RELN: variants seen among roughly 807,000 people sequenced by gnomAD.
RELN encodes reelin.
In RELN, 108 loss-of-function variants were observed where a neutral mutation model predicts 427.6. The ratio of observed to expected loss-of-function variants is 0.25; its 90% CI spans 0.22 to 0.30. RELN has a LOEUF of 0.30. Ranked by LOEUF, RELN falls within the 10% of genes least tolerant of loss-of-function variation. The pLI is 1.00. For missense variants in RELN, 3,715 were observed against 4,302.8 expected (o/e 0.86, Z 3.82); for synonymous variants, 1,524 against 1,513.4 (o/e 1.01, Z -0.16).
chr7:103,652,448 T>G (rs1271090016), intron 14 of RELN, 103 bp downstream of exon 14: 2 of 916,234 alleles, frequency 2.2e-6, no homozygotes, highest in Non-Finnish European at 3.5e-6. Flanking sequence ...AGTATTTTAC[T>G]TAAAATCCAG....
At chr7:103,706,209 T>A (rs1262575477) in intron 8 of RELN, among the ~76,000 whole-genome samples, 1 of 149,232 alleles carries the variant, frequency 6.7e-6, no homozygotes, top group African/African-American at 2.5e-5. Context: ...AAGAGAAGAA[T>A]CTCCTTTCAC....
intron 4 of RELN, among the ~76,000 whole-genome samples, chr7:103,754,851 C>T (rs540774055): frequency 4.7e-4 from 72 of 152,198 alleles, no homozygotes; most frequent in South Asian, 2.1e-3. Flanking sequence ...AGAAGACAAG[C>T]TAGCAAAGGT....
At chr7:103,859,650 T>G (rs1027634152) in intron 2 of RELN, among the ~76,000 whole-genome samples, 1 of 152,198 alleles carries the variant, frequency 6.6e-6, no homozygotes, top group African/African-American at 2.4e-5. Flanking sequence ...AATAGAATAT[T>G]AATTGGGTTT....
At chr7:103,920,918 A>G (rs1465508417) in intron 1 of RELN, among the ~76,000 whole-genome samples, 2 of 152,138 alleles carry the variant, frequency 1.3e-5, no homozygotes, top group Admixed American at 1.3e-4. Flanking sequence ...CATTTATATT[A>G]AAAAGTTGGT....
At chr7:103,911,677 A>C (rs1461687451) in intron 2 of RELN, among the ~76,000 whole-genome samples, 156 of 147,988 alleles carry the variant, frequency 1.1e-3, no homozygotes, top group Non-Finnish European at 6.9e-4. Context: ...TGCAGCCATA[A>C]AAAATGATGA....
rs565253323 is a variant in RELN, at chr7:103,828,778, C to A, written c.473+4759G>T. On this transcript the variant is annotated intron_variant, in intron 3 of 64. Transcript: ENST00000428762. ...GCACCTCTCATTATTTGAATGAATT[C>A]AATAATATTTCTATATTCATATAGA... is the stretch of plus-strand genomic sequence containing the variant. Among the ~76,000 whole-genome samples the A allele has an allele frequency of 1.8e-3, 270 of 151,848 alleles. 1 individual carries two copies. Among genetic ancestry groups the A allele is most frequent in the Non-Finnish European group, 3.3e-3 (226 of 67,834 alleles).
At chr7:103,963,453 TTATC>T (rs1032717275) in intron 1 of RELN, among the ~76,000 whole-genome samples, 4 of 152,190 alleles carry the variant, frequency 2.6e-5, no homozygotes. Flanking sequence ...TTCATAGACA[TTATC>T]TATGTTATTT....
intron 2 of RELN, among the ~76,000 whole-genome samples, chr7:103,852,092 C>A (rs1793836506): frequency 2.0e-5 from 3 of 152,138 alleles, no homozygotes; most frequent in Non-Finnish European, 4.4e-5. Context: ...GATTAATACA[C>A]CCTTTTAATA....
chr7:103,673,403 T>G (rs1416103090), intron 11 of RELN, among the ~76,000 whole-genome samples: 1 of 152,148 alleles, frequency 6.6e-6, no homozygotes, highest in African/African-American at 2.4e-5. Flanking sequence ...TTTATTTCCT[T>G]TTTCTGTTCC....
At chr7:103,754,651 C>T (rs541565964) in intron 4 of RELN, among the ~76,000 whole-genome samples, 12 of 152,212 alleles carry the variant, frequency 7.9e-5, no homozygotes, top group African/African-American at 2.9e-4. Flanking sequence ...TGGTGCACGC[C>T]TGTAGTCCTA....
intron 3 of RELN, among the ~76,000 whole-genome samples, chr7:103,818,457 A>G (rs547661404): frequency 6.6e-6 from 1 of 152,334 alleles, no homozygotes; most frequent in Non-Finnish European, 1.5e-5. Flanking sequence ...ATTATTATAC[A>G]GGACTCTTAC....
At position 103,953,457 on chromosome 7, in the gene RELN, T is replaced by C. The variant is rs1796372158; in HGVS notation, c.226+35674A>G. 6.6e-6 allele frequency among the ~76,000 whole-genome samples: 1 copy of C among 152,212 alleles called. No homozygotes were observed. Among genetic ancestry groups the C allele is most frequent in the African/African-American group, 2.4e-5 (1 of 41,456 alleles). ...GTAGCTTCATTGAAAGCAGTTCTAA[T>C]GTGCTCTTGACAAATCACATTTTGG... On this transcript the variant is annotated intron_variant, in intron 1 of 64. Coordinates refer to ENST00000428762, the MANE Select transcript of RELN (RefSeq NM_005045.4). This position sits in a 1 kb window ranked among gnomAD's most constrained non-coding sequence, Gnocchi z 4.3.
intron 27 of RELN, among the ~76,000 whole-genome samples, chr7:103,591,068 T>C (rs362629): frequency 0.24 from 36,063 of 152,208 alleles, 5,130 homozygotes; most frequent in South Asian, 0.38. Flanking sequence ...TATTATAGTT[T>C]AAGACAGTTT....
rs1357788303 is a variant in RELN at position 103,988,149 on chromosome 7, A to G, written c.226+982T>C. On this transcript the variant is annotated intron_variant, in intron 1 of 64. Coordinates refer to ENST00000428762, the MANE Select transcript of RELN (RefSeq NM_005045.4). This position sits in a 1 kb window ranked among gnomAD's most constrained non-coding sequence, Gnocchi z 4.9. ...ATATTTTGGGGTTGAAATTCTAATTAAATAGTGCCTGTCGCTGCTTAAAAG... is the reference window on the plus strand; with the variant it reads ...ATATTTTGGGGTTGAAATTCTAATTGAATAGTGCCTGTCGCTGCTTAAAAG... Among the ~76,000 whole-genome samples the G allele has an allele frequency of 6.6e-6, 1 of 152,220 alleles. No individual in the cohort carries two copies. The highest frequency in any genetic ancestry group is 1.5e-5 in the Non-Finnish European group (1 of 68,044).
intron 33 of RELN, among the ~76,000 whole-genome samples, 161 bp downstream of exon 33, chr7:103,566,062 CA>C (rs1190148746): frequency 2.6e-5 from 4 of 152,152 alleles, no homozygotes; most frequent in African/African-American, 9.7e-5. Context: ...CTAGGATCAC[CA>C]AGTTGTCTTA....
At chr7:103,863,942 A>G (rs1794132312) in intron 2 of RELN, among the ~76,000 whole-genome samples, 2 of 152,128 alleles carry the variant, frequency 1.3e-5, no homozygotes, top group Non-Finnish European at 2.9e-5. Context: ...CACAAAACAA[A>G]TGGACTTTAA....
chr7:103,773,160 CTT>C (rs1248401533), intron 4 of RELN, among the ~76,000 whole-genome samples: 156 of 131,862 alleles, frequency 1.2e-3, no homozygotes, highest in African/African-American at 4.6e-3. Flanking sequence ...TTCTTTCTTT[CTT>C]TCTTTTTCTT....
At chr7:103,681,975 C>A in intron 11 of RELN, 141 bp downstream of exon 11, 2 of 823,298 alleles carry the variant, frequency 2.4e-6, no homozygotes, top group South Asian at 2.8e-5. Flanking sequence ...GGTAAGTGCA[C>A]CCCTTTTGGC....
chr7:103,509,901 C>A (rs1460389256), intron 51 of RELN, among the ~76,000 whole-genome samples: 1 of 152,150 alleles, frequency 6.6e-6, no homozygotes, highest in Non-Finnish European at 1.5e-5. Flanking sequence ...CTCATCATCA[C>A]TGGTCATTAG....
Sources: allele counts gnomAD v4.1 joint callset (sites outside exome capture counted in the v4.1 genomes callset), GRCh38; gene constraint gnomAD v4.1.1; non-coding constraint Gnocchi (gnomAD v3.1); transcripts MANE v1.5; gene names NCBI Gene and HGNC (gene_info 2026-07-23, HGNC 2026-07-21).